The following TNFRSF25 variants were observed in gnomAD, a reference collection of about 807,000 sequenced individuals.
The protein encoded by TNFRSF25 is TNF receptor superfamily member 25, also known as tumor necrosis factor receptor superfamily member 25.
In TNFRSF25, 28 loss-of-function variants were observed where a neutral mutation model predicts 49.4. The ratio of observed to expected loss-of-function variants is 0.57; its 90% confidence interval spans 0.42 to 0.78. The LOEUF (loss-of-function observed/expected upper bound fraction) is 0.78. TNFRSF25 is among the 30% of genes least tolerant of loss of function. The pLI is 0.00. For synonymous variants in TNFRSF25, 240 were observed against 234.2 expected (o/e 1.02, Z -0.23); for missense variants, 531 against 581.6 (o/e 0.91, Z 0.90).
rs1172501948 is a variant in TNFRSF25, at chr1:6,462,143, T to A, written c.776A>T (p.His259Leu). The part of the protein sequence containing the change: ...ATHLSPLDSA[H>L]TLLAPPDSSE... Reference sequence around the variant, plus strand: ...GCTGTCAGGAGGTGCTAGAAGGGTGTGGGCGCTGTCCAAGGGTGACAGATG... The same window carrying A: ...GCTGTCAGGAGGTGCTAGAAGGGTGAGGGCGCTGTCCAAGGGTGACAGATG... The change falls in exon 9 of 10, where the codon CAC becomes CTC. Residue 259 changes from histidine (H) to leucine (L), a missense_variant. His to Leu is a moderately conservative substitution (Grantham distance 99). Transcript: ENST00000356876. This position sits in a 1 kb window ranked among gnomAD's most constrained non-coding sequence, Gnocchi z 4.2. 3 of 1,612,880 alleles carry A rather than the reference T, an allele frequency of 1.9e-6. No homozygotes were observed. Among genetic ancestry groups the A allele is most frequent in the Non-Finnish European group, 2.5e-6 (3 of 1,179,566 alleles).
chr1:6,464,824 G>A (rs1216091563), intron 3 of TNFRSF25, 105 bp from the exon 4 acceptor site: 45 of 1,407,516 alleles, frequency 3.2e-5, no homozygotes, highest in South Asian at 9.1e-5. Context: ...AGAAATAGGC[G>A]AAAGACAGAC....
chr1:6,462,553 AAGCTCCAGG>A lies in TNFRSF25; in HGVS notation c.744+67_744+75del. ...GGCTACCCGGTGCTGGCCGCGTGCCAAGCTCCAGGGATCATAGTAAGGCTTGATCTTCCA... is the reference window on the plus strand; with the variant it reads ...GGCTACCCGGTGCTGGCCGCGTGCCAGATCATAGTAAGGCTTGATCTTCCA... On this transcript the variant is annotated intron_variant, in intron 8 of 9. Coordinates refer to ENST00000356876, the MANE Select transcript of TNFRSF25 (RefSeq NM_003790.3). This position sits in a 1 kb window ranked among gnomAD's most constrained non-coding sequence, Gnocchi z 4.2. The A allele has an allele frequency of 2.5e-6, 4 of 1,569,506 alleles. No homozygotes were observed. The African/African-American group carries it at 5.4e-5, about 21-fold the overall frequency.
chr1:6,465,589 C>A (rs773918226), intron 1 of TNFRSF25, 29 bp from the exon 2 acceptor site: 2 of 1,604,864 alleles, frequency 1.2e-6, no homozygotes, highest in Non-Finnish European at 1.7e-6. Context: ...TGACTCTCAG[C>A]GCAGCTGCCC....
intron 1 of TNFRSF25, 76 bp downstream of exon 1, chr1:6,465,993 C>T: frequency 6.6e-7 from 1 of 1,522,086 alleles, no homozygotes; most frequent in East Asian, 2.6e-5. Context: ...TGGAGACGCG[C>T]CCGGGGCCCC....
In TNFRSF25 at chr1:6,465,152, G is replaced by A. The variant is rs1644307588; in HGVS notation, c.231C>T (p.Thr77=). The A allele has an allele frequency of 6.2e-7, 1 of 1,613,960 alleles. No individual in the cohort carries two copies. Among genetic ancestry groups the A allele is most frequent in the East Asian group, 2.2e-5 (1 of 44,874 alleles). The change falls in exon 3 of 10, where the codon ACC becomes ACT. Residue 77 remains threonine, a synonymous_variant. Coordinates refer to ENST00000356876, the MANE Select transcript of TNFRSF25 (RefSeq NM_003790.3). ...TATGGTGGTTCTCCCAGGCCAAGAA[G>A]GTGTCTTGGGGACACACAAGGCAGG... ...NSTCLVCPQD[T]FLAWENHHNS...
rs768861990 is a variant in TNFRSF25 at position 6,461,506 on chromosome 1, G to A, written c.1182C>T (p.Tyr394=). ...CCAGCCCCATGCGCTCCAGGGCCGCGTAAACGGCTCCGAGGCCCGCGGGCT... is the reference window on the plus strand; with the variant it reads ...CCAGCCCCATGCGCTCCAGGGCCGCATAAACGGCTCCGAGGCCCGCGGGCT... The part of the protein sequence containing the change: ...QQQPAGLGAV[Y]AALERMGLDG... Residue 394 remains tyrosine, a synonymous_variant, in exon 10 of 10, where the codon TAC becomes TAT. Transcript: ENST00000356876. This position sits in a 1 kb window ranked among gnomAD's most constrained non-coding sequence, Gnocchi z 6.3. The A allele has an allele frequency of 3.8e-5, 61 of 1,597,298 alleles. No homozygotes were observed. Among genetic ancestry groups the A allele is most frequent in the Non-Finnish European group, 5.1e-5 (60 of 1,174,692 alleles).
chr1:6,461,488 C>G lies in TNFRSF25; in HGVS notation c.1200G>C (p.Met400Ile), dbSNP rs1286329142. The G allele has an allele frequency of 6.3e-7, 1 of 1,584,980 alleles. No individual in the cohort carries two copies. The highest frequency in any genetic ancestry group is 1.1e-5 in the South Asian group (1 of 88,826). ...LGAVYAALER[M>I]GLDGCVEDLR... ...AGTCTTCCACGCAGCCGTCCAGCCC[C>G]ATGCGCTCCAGGGCCGCGTAAACGG... The change falls in exon 10 of 10, where the codon ATG (methionine) becomes ATC (isoleucine). Residue 400 changes from methionine to isoleucine, a missense_variant. Met to Ile is a conservative substitution (Grantham distance 10). Coordinates refer to ENST00000356876, the MANE Select transcript of TNFRSF25 (RefSeq NM_003790.3). The surrounding 1 kb of genome is among the most constrained non-coding windows in gnomAD (Gnocchi z 6.3).
Position 6,462,692 on chromosome 1 carries a change from C to A in TNFRSF25, c.707-26G>T. On this transcript the variant is annotated intron_variant, in intron 7 of 9. Transcript: ENST00000356876. This position sits in a 1 kb window ranked among gnomAD's most constrained non-coding sequence, Gnocchi z 4.2. ...CTGACAGACACAGAGAGATTGCGGTCAGCCACCAGGCAAGCCTCCTGGACC... is the reference window on the plus strand; with the variant it reads ...CTGACAGACACAGAGAGATTGCGGTAAGCCACCAGGCAAGCCTCCTGGACC... 6.2e-7 allele frequency: 1 copy of A among 1,612,140 alleles called. No homozygotes were observed. Among genetic ancestry groups the A allele is most frequent in the Non-Finnish European group, 8.5e-7 (1 of 1,178,962 alleles).
intron 1 of TNFRSF25, chr1:6,465,861 T>A: frequency 7.0e-7 from 1 of 1,421,144 alleles, no homozygotes. Context: ...CTGATAATGC[T>A]CTGCCTGGGG....
Position 6,465,337 on chromosome 1 carries a change from C to CT in TNFRSF25, c.160+102dup, listed in dbSNP as rs1356328842. On this transcript the variant is annotated intron_variant, in intron 2 of 9. Transcript: ENST00000356876. ...TCCAGCTCCCTACTTCTCTGTCAGC[C>CT]TACCCCTACCTCCCCTGCCAGCCTC... is the stretch of plus-strand genomic sequence containing the variant. 1.9e-6 allele frequency: 3 copies of CT among 1,590,238 alleles called. No homozygotes were observed. The African/African-American group carries it at 4.0e-5, about 21-fold the overall frequency.
intron 1 of TNFRSF25, chr1:6,465,784 C>G (rs1432502033): frequency 1.4e-6 from 2 of 1,427,696 alleles, no homozygotes; most frequent in African/African-American, 2.9e-5. Context: ...ACAAGTTTCC[C>G]CTCCACCAGA....
At position 6,464,539 on chromosome 1, in the gene TNFRSF25, T is replaced by C. The variant is rs753962251; in HGVS notation, c.463+13A>G. 1.3e-5 allele frequency: 21 copies of C among 1,613,524 alleles called. No homozygotes were observed. Among genetic ancestry groups the C allele is most frequent in the African/African-American group, 9.4e-5 (7 of 74,826 alleles). ...GGGTCTGGGAGTAGAGAGCCCTGGG[T>C]GGGGGTACTCACAGAGTAGCCGTGT... On this transcript the variant is annotated intron_variant, in intron 4 of 9. Coordinates refer to ENST00000356876, the MANE Select transcript of TNFRSF25 (RefSeq NM_003790.3).
rs765926019 is a variant in TNFRSF25, at chr1:6,465,198, G to A, written c.185C>T (p.Thr62Met). The A allele has an allele frequency of 6.2e-6, 10 of 1,612,228 alleles. No homozygotes were observed. The Middle Eastern group carries it at 5.5e-4, about 89-fold the overall frequency. The change falls in exon 3 of 10, where the codon ACG (threonine) becomes ATG (methionine). Residue 62 changes from threonine (T) to methionine (M), a missense_variant. Coordinates refer to ENST00000356876, the MANE Select transcript of TNFRSF25 (RefSeq NM_003790.3). Reference protein sequence around the residue: ...PAGHYLKAPCTEPCGNSTCLV... With the variant: ...PAGHYLKAPCMEPCGNSTCLV... ...GCAGGTGGAGTTGCCGCAGGGCTCCGTGCAAGGGGCCTTCAGGTAGTGCCC... is the reference window on the plus strand; with the variant it reads ...GCAGGTGGAGTTGCCGCAGGGCTCCATGCAAGGGGCCTTCAGGTAGTGCCC...
chr1:6,462,255 A>G lies in TNFRSF25; in HGVS notation c.745-81T>C. 1 of 1,501,128 alleles carries G rather than the reference A, an allele frequency of 6.7e-7. No homozygotes were observed. Among genetic ancestry groups the G allele is most frequent in the Non-Finnish European group, 8.9e-7 (1 of 1,120,036 alleles). 93.0% of individuals were successfully genotyped at this position (1,501,128 alleles called of 1,614,324 possible). On this transcript the variant is annotated intron_variant, in intron 8 of 9. Transcript: ENST00000356876. The surrounding 1 kb of genome is among the most constrained non-coding windows in gnomAD (Gnocchi z 4.2). ...CCGCAGTGCCTCTCCAGGAGGGGAC[A>G]GTCCCTGGTTCAGTCAGCAGACACC...
At chr1:6,465,254 A>G in intron 2 of TNFRSF25, 32 bp from the exon 3 acceptor site, 2 of 1,591,238 alleles carry the variant, frequency 1.3e-6, no homozygotes, top group South Asian at 2.3e-5. Context: ...AGGCAGGCAG[A>G]GGGGCTGCCC....
In TNFRSF25 at chr1:6,461,396, G is replaced by A; in HGVS notation, c.*38C>T. On this transcript the variant is annotated 3_prime_UTR_variant, in exon 10 of 10. Transcript: ENST00000356876. This position sits in a 1 kb window ranked among gnomAD's most constrained non-coding sequence, Gnocchi z 6.3. ...GTAACCGTACTTAGGGCTTCTGCAA[G>A]GGCCACCAGAGCGCCTAGGTGGCAA... 6.8e-7 allele frequency: 1 copy of A among 1,474,680 alleles called. No individual in the cohort carries two copies. The highest frequency in any genetic ancestry group is 9.0e-7 in the Non-Finnish European group (1 of 1,112,384). The allele number at this position is 1,474,680 out of a possible 1,614,324, so 91.3% of individuals were successfully genotyped here. A position where few individuals can be genotyped will look rare whatever the true frequency, so the allele number is the denominator to read the frequency against.
chr1:6,465,385 G>GC, intron 2 of TNFRSF25, 55 bp downstream of exon 2: 2 of 1,500,180 alleles, frequency 1.3e-6, no homozygotes, highest in Non-Finnish European at 9.0e-7. Context: ...GGGCCTGCCC[G>GC]CCACCTCTCC....
rs902033783 is a variant in TNFRSF25 at position 6,462,387 on chromosome 1, G to A, written c.745-213C>T. On this transcript the variant is annotated intron_variant, in intron 8 of 9. Transcript: ENST00000356876. The surrounding 1 kb of genome is among the most constrained non-coding windows in gnomAD (Gnocchi z 4.2). ...CCCGCCTCCTTCCTCTTGTCCCCCA[G>A]CACCATGGGGCTCTCCTTCCATTGA... is the stretch of plus-strand genomic sequence containing the variant. 3 of 1,175,892 alleles carry A rather than the reference G, an allele frequency of 2.6e-6. No homozygotes were observed. Among genetic ancestry groups the A allele is most frequent in the East Asian group, 2.6e-5 (1 of 38,616 alleles). The allele number at this position is 1,175,892 out of a possible 1,614,324, so 72.8% of individuals were successfully genotyped here.
chr1:6,461,565 G>C lies in TNFRSF25; in HGVS notation c.1123C>G (p.Gln375Glu). ...EVEIGRFRDQ[Q>E]YEMLKRWRQQ... ...CGCCAGCGCTTGAGCATCTCGTACTGCTGGTCTCGGAAGCGGCCGATCTCC... is the reference window on the plus strand; with the variant it reads ...CGCCAGCGCTTGAGCATCTCGTACTCCTGGTCTCGGAAGCGGCCGATCTCC... Residue 375 changes from glutamine (Q) to glutamate (E), a missense_variant, in exon 10 of 10, where the codon CAG (glutamine) becomes GAG (glutamate). Transcript: ENST00000356876. This position sits in a 1 kb window ranked among gnomAD's most constrained non-coding sequence, Gnocchi z 6.3. 1 of 1,610,254 alleles carries C rather than the reference G, an allele frequency of 6.2e-7. No homozygotes were observed. Among genetic ancestry groups the C allele is most frequent in the Non-Finnish European group, 8.5e-7 (1 of 1,179,458 alleles).
Sources: allele counts gnomAD v4.1 joint callset, GRCh38; gene constraint gnomAD v4.1.1; non-coding constraint Gnocchi (gnomAD v3.1); transcripts MANE v1.5; gene names NCBI Gene and HGNC (gene_info 2026-07-23, HGNC 2026-07-21).